Variants in SGMS1 observed in about 807,000 individuals in gnomAD.
SGMS1 encodes the protein phosphatidylcholine:ceramide cholinephosphotransferase 1.
SGMS1 carries 13 observed loss-of-function variants against 46.2 expected under a neutral mutation model. The ratio of observed to expected loss-of-function variants is 0.28; its 90% CI spans 0.18 to 0.45. SGMS1 has a LOEUF of 0.45. Among genes scored for constraint, SGMS1 ranks in the 20% least tolerant of loss-of-function variants. The probability of loss-of-function intolerance (pLI) is 1.00; values close to 1 mark genes in which losing one functional copy is unlikely to be tolerated. For synonymous variants in SGMS1, 203 were observed against 187.8 expected, an observed-to-expected ratio of 1.08 and a Z score of -0.66; for missense variants, 324 against 519.9, an observed-to-expected ratio of 0.62 and a Z score of 3.66.
intron 5 of SGMS1, among the ~76,000 whole-genome samples, chr10:50,449,527 A>C (rs1174844943): frequency 6.6e-6 from 1 of 152,146 alleles, no homozygotes; most frequent in Non-Finnish European, 1.5e-5. Flanking sequence ...ACTCTTTCCT[A>C]GGATGGTCTT....
intron 5 of SGMS1, among the ~76,000 whole-genome samples, chr10:50,440,067 A>G (rs1231302019): frequency 6.6e-6 from 1 of 152,166 alleles, no homozygotes; most frequent in Admixed American, 6.6e-5. Context: ...TCTGGTATGT[A>G]TTTTGGTAGG....
chr10:50,565,278 A>C (rs1363584504), intron 2 of SGMS1, among the ~76,000 whole-genome samples: 1 of 152,150 alleles, frequency 6.6e-6, no homozygotes, highest in Non-Finnish European at 1.5e-5. Flanking sequence ...CAGAGAATGC[A>C]CTAAAAAAAT....
intron 5 of SGMS1, among the ~76,000 whole-genome samples, chr10:50,453,381 G>T (rs952067880): frequency 5.9e-5 from 9 of 151,414 alleles, no homozygotes; most frequent in Admixed American, 5.3e-4. Context: ...TTACACCTTG[G>T]TCTAGGCTCT....
intron 8 of SGMS1, among the ~76,000 whole-genome samples, chr10:50,315,240 T>C (rs1482273937): frequency 1.3e-5 from 2 of 152,242 alleles, no homozygotes; most frequent in Non-Finnish European, 2.9e-5. Flanking sequence ...GGTATAATTA[T>C]AACTGTTTTA....
chr10:50,479,885 G>C (rs1837460944), intron 3 of SGMS1, among the ~76,000 whole-genome samples: 1 of 152,122 alleles, frequency 6.6e-6, no homozygotes, highest in East Asian at 1.9e-4. Flanking sequence ...TACAACTGAA[G>C]TACATCTTAG....
chr10:50,348,820 A>G (rs1460585483), intron 6 of SGMS1, among the ~76,000 whole-genome samples: 1 of 152,250 alleles, frequency 6.6e-6, no homozygotes, highest in Non-Finnish European at 1.5e-5. Flanking sequence ...AACCTACTTC[A>G]AATTTCATAT....
chr10:50,390,675 T>G (rs1848753712), intron 6 of SGMS1, among the ~76,000 whole-genome samples: 2 of 152,204 alleles, frequency 1.3e-5, no homozygotes. Flanking sequence ...ATTAGAATGT[T>G]CATGTCTAGA....
rs1294246449 is a variant in SGMS1, at chr10:50,306,477, T to C, written c.*665A>G. On this transcript the variant is annotated 3_prime_UTR_variant, in exon 11 of 11. Transcript: ENST00000361781. ...TTCTCTCTGACATGTTAAAAATCTT[T>C]AAATTTGGTGTTCATAACATCATTT... is the stretch of plus-strand genomic sequence containing the variant. The C allele has an allele frequency of 1.3e-5, 2 of 152,762 alleles. No individual in the cohort carries two copies. Among genetic ancestry groups the C allele is most frequent in the Non-Finnish European group, 2.9e-5 (2 of 68,040 alleles). 9.5% of individuals were successfully genotyped at this position (152,762 alleles called of 1,614,324 possible). A position where few individuals can be genotyped will look rare whatever the true frequency, so the allele number is the denominator to read the frequency against.
chr10:50,462,191 G>A (rs2133687266), intron 4 of SGMS1, among the ~76,000 whole-genome samples: 1 of 152,220 alleles, frequency 6.6e-6, no homozygotes, highest in East Asian at 1.9e-4. Flanking sequence ...GAGCCCAGGA[G>A]GTTGAGGCTG....
At chr10:50,585,123 T>C (rs1222740110) in intron 2 of SGMS1, among the ~76,000 whole-genome samples, 3 of 152,252 alleles carry the variant, frequency 2.0e-5, no homozygotes, top group African/African-American at 7.2e-5. Context: ...TTTTATGACT[T>C]TGATAAGCAA....
rs1848774108 is a variant in SGMS1, at chr10:50,391,864, AG to A, written c.-232+41611del. ...TTAAAAAAAAAAAAAAAAAAGAATG[AG>A]ATCATGTCCTTTGCAGCAACATGGA... On this transcript the variant is annotated intron_variant, in intron 6 of 10. Transcript: ENST00000361781. Among the ~76,000 whole-genome samples, 4 of 149,666 alleles carry A rather than the reference AG, an allele frequency of 2.7e-5. No homozygotes were observed. In the South Asian group the frequency reaches 8.5e-4, roughly 32 times the overall value.
chr10:50,310,702 G>A (rs891675423), intron 9 of SGMS1, among the ~76,000 whole-genome samples: 4 of 151,932 alleles, frequency 2.6e-5, no homozygotes, highest in South Asian at 2.1e-4. Flanking sequence ...CCATGTATGC[G>A]GTATTTATAA....
At chr10:50,389,711 T>C (rs1343533546) in intron 6 of SGMS1, among the ~76,000 whole-genome samples, 1 of 152,240 alleles carries the variant, frequency 6.6e-6, no homozygotes, top group Non-Finnish European at 1.5e-5. Context: ...GGTAGCCCCC[T>C]GACCATAACT....
chr10:50,394,309 G>A (rs1848814581), intron 6 of SGMS1, among the ~76,000 whole-genome samples: 1 of 152,184 alleles, frequency 6.6e-6, no homozygotes, highest in Admixed American at 6.5e-5. Context: ...CTAAAACAAA[G>A]ACTCCATCAT....
chr10:50,310,703 G>A lies in SGMS1; in HGVS notation c.895+559C>T, dbSNP rs1313950037. ...ATATTAAATCTGAGCCATGTATGCG[G>A]TATTTATAATATTATTTTGTGATTT... is the stretch of plus-strand genomic sequence containing the variant. On this transcript the variant is annotated intron_variant, in intron 9 of 10. Coordinates refer to ENST00000361781, the MANE Select transcript of SGMS1 (RefSeq NM_147156.4). 5.9e-4 allele frequency among the ~76,000 whole-genome samples: 90 copies of A among 152,086 alleles called. 4 individuals carry two copies. The highest frequency in any genetic ancestry group is 8.8e-5 in the Non-Finnish European group (6 of 68,028).
intron 2 of SGMS1, among the ~76,000 whole-genome samples, chr10:50,528,390 C>A (rs1434909025): frequency 6.6e-6 from 1 of 152,184 alleles, no homozygotes; most frequent in Non-Finnish European, 1.5e-5. Context: ...ACTGATTTTA[C>A]ATATGAGGAT....
chr10:50,510,519 T>A (rs1163794823), intron 3 of SGMS1, among the ~76,000 whole-genome samples: 1 of 152,216 alleles, frequency 6.6e-6, no homozygotes, highest in Non-Finnish European at 1.5e-5. Flanking sequence ...TTCTAGTTGC[T>A]CTGTATCTTT....
intron 6 of SGMS1, among the ~76,000 whole-genome samples, chr10:50,395,807 G>A (rs915818896): frequency 1.3e-5 from 2 of 152,170 alleles, no homozygotes; most frequent in African/African-American, 2.4e-5. Context: ...ATAAAGACTG[G>A]ACATCGATGA....
At chr10:50,427,378 A>C (rs543714895) in intron 6 of SGMS1, among the ~76,000 whole-genome samples, 4 of 152,206 alleles carry the variant, frequency 2.6e-5, no homozygotes, top group African/African-American at 9.6e-5. Context: ...CAGCCTGTGT[A>C]ACAGAGCGAG....
Sources: gnomAD v4.1 joint callset for allele counts (sites outside exome capture counted in the v4.1 genomes callset) on GRCh38, gnomAD v4.1.1 for gene constraint, MANE v1.5 for transcripts, NCBI Gene and HGNC (gene_info 2026-07-23, HGNC 2026-07-21) for gene names.